Variants in FHIT observed in about 807,000 individuals in gnomAD.
The protein encoded by FHIT is bis(5'-adenosyl)-triphosphatase.
A neutral mutation model predicts 17.9 loss-of-function variants in FHIT; 19 were observed. The observed-to-expected ratio is 1.06, with a 90% CI of 0.74 to 1.56. The LOEUF (loss-of-function observed/expected upper bound fraction) is 1.56, where lower values mean the gene tolerates loss of function less well. Among genes scored for constraint, FHIT ranks in the 40% most tolerant of loss-of-function variants. The pLI, the probability that FHIT is intolerant of heterozygous loss-of-function variation, is 0.00. For synonymous variants in FHIT, 81 were observed against 69.7 expected, an observed-to-expected ratio of 1.16 and a Z score of -0.81; for missense variants, 248 against 189.2, an observed-to-expected ratio of 1.31 and a Z score of -1.82.
chr3:60,280,125 CAT>C (rs1707361720), intron 5 of FHIT, among the ~76,000 whole-genome samples: 1 of 150,996 alleles, frequency 6.6e-6, no homozygotes, highest in African/African-American at 2.4e-5. Context: ...GAAGAAAAAT[CAT>C]ATAATAGCAA....
At chr3:59,864,282 G>A (rs1182309029) in intron 8 of FHIT, among the ~76,000 whole-genome samples, 3 of 152,076 alleles carry the variant, frequency 2.0e-5, no homozygotes, top group Non-Finnish European at 2.9e-5. Context: ...TCTGGCCCAC[G>A]CTATTCTTTC....
intron 5 of FHIT, among the ~76,000 whole-genome samples, chr3:60,024,156 A>G (rs1464476374): frequency 6.6e-6 from 1 of 152,248 alleles, no homozygotes; most frequent in Non-Finnish European, 1.5e-5. Flanking sequence ...GGAAAAGTTC[A>G]AAGATAACAG....
intron 4 of FHIT, among the ~76,000 whole-genome samples, chr3:60,616,434 ATTT>A (rs1245406904): frequency 1.3e-5 from 2 of 152,256 alleles, no homozygotes; most frequent in South Asian, 4.2e-4. Flanking sequence ...CTTTTTTAAA[ATTT>A]TTTTAATTAT....
chr3:60,256,223 A>G (rs1705985220), intron 5 of FHIT, among the ~76,000 whole-genome samples: 1 of 152,180 alleles, frequency 6.6e-6, no homozygotes, highest in Non-Finnish European at 1.5e-5. Context: ...TGAAATGAGC[A>G]AAGTTTAAGA....
chr3:60,665,635 C>T (rs1193652424), intron 4 of FHIT, among the ~76,000 whole-genome samples: 1 of 151,674 alleles, frequency 6.6e-6, no homozygotes, highest in African/African-American at 2.4e-5. Context: ...TATGTTTTTC[C>T]ACCCTTTTAC....
intron 2 of FHIT, among the ~76,000 whole-genome samples, chr3:61,048,066 C>T (rs1350870208): frequency 6.6e-6 from 1 of 151,400 alleles, no homozygotes. Flanking sequence ...TAGGCATGGG[C>T]AAGGACTTCA....
intron 1 of FHIT, among the ~76,000 whole-genome samples, chr3:61,205,922 G>C (rs980786387): frequency 6.8e-6 from 1 of 147,750 alleles, no homozygotes; most frequent in Non-Finnish European, 1.5e-5. Flanking sequence ...GTATTGCCTA[G>C]GTTTTCTTCT....
chr3:60,340,402 G>C (rs187634408), intron 5 of FHIT, among the ~76,000 whole-genome samples: 93 of 152,256 alleles, frequency 6.1e-4, no homozygotes, highest in Non-Finnish European at 5.9e-4. Flanking sequence ...TCTGATCACT[G>C]TTCTTGGGAG....
intron 5 of FHIT, among the ~76,000 whole-genome samples, chr3:60,389,829 C>G (rs931029657): frequency 6.6e-6 from 1 of 152,176 alleles, no homozygotes; most frequent in African/African-American, 2.4e-5. Flanking sequence ...TAACTGTCAT[C>G]TCCTTGTATC....
intron 2 of FHIT, among the ~76,000 whole-genome samples, chr3:61,085,542 G>A (rs561781357): frequency 1.2e-4 from 19 of 152,016 alleles, no homozygotes; most frequent in Non-Finnish European, 2.1e-4. Context: ...GATATGATTT[G>A]CAAATATCTC....
At chr3:60,189,240 T>TG (rs546566227) in intron 5 of FHIT, among the ~76,000 whole-genome samples, 7 of 149,122 alleles carry the variant, frequency 4.7e-5, no homozygotes, top group East Asian at 2.0e-4. Flanking sequence ...AAGCTGGGGG[T>TG]GGGGGGGAAA....
intron 4 of FHIT, among the ~76,000 whole-genome samples, chr3:60,672,904 T>TGTGTGTGTGTGTGTGC (rs1159104600): frequency 6.6e-6 from 1 of 151,350 alleles, no homozygotes; most frequent in East Asian, 1.9e-4. Context: ...TGTGTGTGTG[T>TGTGTGTGTGTGTGTGC]GTGCATGCAT....
At chr3:59,871,819 T>C (rs537041097) in intron 8 of FHIT, among the ~76,000 whole-genome samples, 1 of 152,320 alleles carries the variant, frequency 6.6e-6, no homozygotes, top group East Asian at 1.9e-4. Flanking sequence ...AGTATCCACA[T>C]TTAAAAGAGG....
intron 4 of FHIT, among the ~76,000 whole-genome samples, chr3:60,544,583 A>T (rs2036298394): frequency 6.9e-6 from 1 of 145,794 alleles, no homozygotes; most frequent in Non-Finnish European, 1.5e-5. Context: ...GTTGGCCAAT[A>T]ATTTCTCAAC....
intron 3 of FHIT, among the ~76,000 whole-genome samples, chr3:60,968,944 T>C (rs1709877231): frequency 6.6e-6 from 1 of 152,200 alleles, no homozygotes; most frequent in South Asian, 2.1e-4. Context: ...TATTATTCTT[T>C]TTATATATCA....
chr3:60,171,711 G>GT (rs1457334618), intron 5 of FHIT, among the ~76,000 whole-genome samples: 1 of 151,514 alleles, frequency 6.6e-6, no homozygotes, highest in Non-Finnish European at 1.5e-5. Context: ...TCATTCATTC[G>GT]TTTTTTTGGA....
intron 4 of FHIT, among the ~76,000 whole-genome samples, chr3:60,812,564 T>C (rs1156578544): frequency 4.6e-5 from 7 of 152,198 alleles, no homozygotes; most frequent in Admixed American, 2.0e-4. Flanking sequence ...TCTACCTCTA[T>C]GTGAAATACC....
intron 8 of FHIT, among the ~76,000 whole-genome samples, chr3:59,803,153 C>A (rs1488393072): frequency 6.6e-6 from 1 of 152,126 alleles, no homozygotes; most frequent in Admixed American, 6.5e-5. Context: ...TAAAAGCTGG[C>A]AAAACACATC....
intron 3 of FHIT, among the ~76,000 whole-genome samples, chr3:61,030,921 A>G (rs1238309168): frequency 3.9e-5 from 6 of 152,106 alleles, no homozygotes; most frequent in African/African-American, 1.4e-4. Flanking sequence ...CAGGAGAGTA[A>G]GGGGAGAAGG....
Sources: allele counts gnomAD v4.1 joint callset (sites outside exome capture counted in the v4.1 genomes callset), GRCh38; gene constraint gnomAD v4.1.1; transcripts MANE v1.5; gene names NCBI Gene and HGNC (gene_info 2026-07-23, HGNC 2026-07-21).